SYNRG: variants seen among roughly 807,000 people sequenced by gnomAD.
SYNRG encodes synergin gamma.
SYNRG carries 37 observed loss-of-function variants against 130.9 expected under a neutral mutation model. The ratio of observed to expected loss-of-function variants is 0.28; its 90% CI spans 0.22 to 0.37. The LOEUF is 0.37. Among genes scored for constraint, SYNRG ranks in the 10% least tolerant of loss-of-function variants. The pLI is 1.00. For missense variants in SYNRG, 1,338 were observed against 1,588.9 expected (o/e 0.84, Z 2.68); for synonymous variants, 539 against 568.1 (o/e 0.95, Z 0.73).
chr17:37,530,580 G>T (rs951364204), intron 19 of SYNRG, among the ~76,000 whole-genome samples: 1 of 152,178 alleles, frequency 6.6e-6, no homozygotes, highest in African/African-American at 2.4e-5. Flanking sequence ...AAAGAAAATT[G>T]GAGGACTGCA....
chr17:37,600,323 G>C, intron 2 of SYNRG, 40 bp downstream of exon 2: 1 of 1,527,226 alleles, frequency 6.5e-7, no homozygotes, highest in African/African-American at 1.4e-5. Context: ...AGAAACACAA[G>C]AGTGAAAAAT....
At chr17:37,579,310 C>T (rs1036413424) in intron 6 of SYNRG, 10 of 1,303,956 alleles carry the variant, frequency 7.7e-6, no homozygotes, top group South Asian at 4.9e-5. Flanking sequence ...AGGGCTGGGA[C>T]GTGGAAGAAG....
At chr17:37,595,962 C>T (rs1016422991) in intron 3 of SYNRG, among the ~76,000 whole-genome samples, 16 of 152,152 alleles carry the variant, frequency 1.1e-4, no homozygotes, top group African/African-American at 3.9e-4. Context: ...ACCATGTTGG[C>T]CAGGCTGGTC....
chr17:37,553,691 C>A lies in SYNRG; in HGVS notation c.2032G>T (p.Glu678Ter). ...CCAACAGGTGCTAGACCAGAATATT[C>A]CCCAAAAAGGCTGAATTCTCCAAAA... is the stretch of plus-strand genomic sequence containing the variant. ...DDFGEFSLFGEYSGLAPVGEQ... is the reference protein window; with the variant it reads ...DDFGEFSLFG The change falls in exon 14 of 22, where the codon GAA (glutamate) becomes TAA (stop). Residue 678 changes from glutamate to a stop codon, truncating the protein, a stop_gained. Coordinates refer to ENST00000612223, the MANE Select transcript of SYNRG (RefSeq NM_007247.6). LOFTEE classifies it high-confidence loss of function. 6.2e-7 allele frequency: 1 copy of A among 1,613,620 alleles called. No homozygotes were observed. The highest frequency in any genetic ancestry group is 8.5e-7 in the Non-Finnish European group (1 of 1,179,926).
chr17:37,523,302 C>A (rs557545134), intron 19 of SYNRG, among the ~76,000 whole-genome samples: 2 of 152,084 alleles, frequency 1.3e-5, no homozygotes, highest in African/African-American at 2.4e-5. Context: ...GCTGGGACTA[C>A]AGGTGTGTGC....
intron 11 of SYNRG, among the ~76,000 whole-genome samples, 182 bp from the exon 12 acceptor site, chr17:37,561,771 C>CA (rs2145681561): frequency 6.6e-6 from 1 of 151,380 alleles, no homozygotes; most frequent in East Asian, 1.9e-4. Flanking sequence ...TGTCCTTTTT[C>CA]AAAAAACAAA....
intron 14 of SYNRG, 86 bp downstream of exon 14, chr17:37,553,029 G>T: frequency 8.0e-7 from 1 of 1,254,484 alleles, no homozygotes; most frequent in Non-Finnish European, 1.1e-6. Context: ...TAAAGGGCCA[G>T]AGCCTTACTC....
In SYNRG at chr17:37,518,933, G is replaced by GAGTTT. The variant is rs2054639261; in HGVS notation, c.*6_*7insAAACT. 1 of 1,611,162 alleles carries GAGTTT rather than the reference G, an allele frequency of 6.2e-7. No individual in the cohort carries two copies. The highest frequency in any genetic ancestry group is 1.7e-5 in the Admixed American group (1 of 59,318). On this transcript the variant is annotated 3_prime_UTR_variant, in exon 22 of 22. Transcript: ENST00000612223. ...AAAAAAAAGTCAATGCTTCACAGAG[G>GAGTTT]AGTTGTTCAGAGCAGGTCAGGCAGG...
At chr17:37,602,617 G>C (rs2147091334) in intron 1 of SYNRG, among the ~76,000 whole-genome samples, 1 of 152,328 alleles carries the variant, frequency 6.6e-6, no homozygotes, top group Non-Finnish European at 1.5e-5. Flanking sequence ...ATTGTTAAGT[G>C]AGTTAGTTTC....
intron 19 of SYNRG, among the ~76,000 whole-genome samples, chr17:37,524,642 C>T (rs994918624): frequency 9.9e-5 from 15 of 152,230 alleles, no homozygotes; most frequent in Non-Finnish European, 1.6e-4. Flanking sequence ...ATGTGGAAGA[C>T]GCTGGTGCTA....
At chr17:37,608,831 C>A (rs940690948) in intron 1 of SYNRG, among the ~76,000 whole-genome samples, 2 of 152,174 alleles carry the variant, frequency 1.3e-5, no homozygotes, top group Non-Finnish European at 2.9e-5. Flanking sequence ...ACACACACCC[C>A]CCTTGGAAAC....
At chr17:37,536,157 G>C (rs756875597) in intron 18 of SYNRG, 30 bp from the exon 19 acceptor site, 78 of 1,584,264 alleles carry the variant, frequency 4.9e-5, no homozygotes, top group Middle Eastern at 1.8e-4. Context: ...GAGAGAGAGT[G>C]TTGGCAGTGG....
chr17:37,519,520 A>G (rs1005730135), intron 21 of SYNRG, among the ~76,000 whole-genome samples: 4 of 152,028 alleles, frequency 2.6e-5, no homozygotes, highest in Non-Finnish European at 4.4e-5. Flanking sequence ...AGAGAGTTAG[A>G]GAACGAGAGA....
intron 13 of SYNRG, among the ~76,000 whole-genome samples, chr17:37,558,681 T>C (rs532246594): frequency 2.0e-5 from 3 of 152,328 alleles, no homozygotes; most frequent in East Asian, 1.9e-4. Context: ...AAAGTGGTGA[T>C]TGAGTTTAAC....
chr17:37,570,866 C>T lies in SYNRG; in HGVS notation c.1118G>A (p.Ser373Asn), dbSNP rs755721815. 1.2e-6 allele frequency: 2 copies of T among 1,614,020 alleles called. No homozygotes were observed. The highest frequency in any genetic ancestry group is 1.7e-6 in the Non-Finnish European group (2 of 1,179,970). Residue 373 changes from serine (S) to asparagine (N), a missense_variant, in exon 10 of 22, where the codon AGT becomes AAT. Ser to Asn is a conservative substitution (Grantham distance 46). Coordinates refer to ENST00000612223, the MANE Select transcript of SYNRG (RefSeq NM_007247.6). Reference protein sequence around the residue: ...AVTQRGVPAMSPDALNQFPAA... With the variant: ...AVTQRGVPAMNPDALNQFPAA... ...TGGGAACTGGTTTAAAGCATCAGGA[C>T]TCATTGCAGGAACGCCCCTCTACAA...
intron 19 of SYNRG, among the ~76,000 whole-genome samples, chr17:37,521,359 T>C (rs1202546634): frequency 2.6e-5 from 4 of 151,940 alleles, no homozygotes; most frequent in Admixed American, 2.6e-4. Context: ...TCACCTTGGC[T>C]GAGTGTAGAT....
chr17:37,582,690 G>A (rs1475193629), intron 6 of SYNRG, among the ~76,000 whole-genome samples: 16 of 152,118 alleles, frequency 1.1e-4, no homozygotes, highest in African/African-American at 3.1e-4. Context: ...GTGAAATCCC[G>A]TCTCTACAAA....
intron 4 of SYNRG, 139 bp from the exon 5 acceptor site, chr17:37,585,569 T>TA: frequency 1.6e-6 from 1 of 607,360 alleles, no homozygotes; most frequent in Admixed American, 3.3e-5. Flanking sequence ...CTAGTTTTCT[T>TA]ACGACAATCC....
intron 11 of SYNRG, chr17:37,566,990 T>A (rs1039534345): frequency 2.0e-5 from 3 of 152,202 alleles, no homozygotes; most frequent in African/African-American, 7.2e-5. Context: ...GGCACAGACA[T>A]TCATCAGGTA....
Sources: gnomAD v4.1 joint callset for allele counts (sites outside exome capture counted in the v4.1 genomes callset) on GRCh38, gnomAD v4.1.1 for gene constraint, MANE v1.5 for transcripts, NCBI Gene and HGNC (gene_info 2026-07-23, HGNC 2026-07-21) for gene names.